Variants in ZNF827 observed in about 807,000 individuals in gnomAD.
ZNF827 encodes the protein zinc finger protein 827.
Under a neutral mutation model 102.4 loss-of-function variants are expected in ZNF827, and 13 were observed. The ratio of observed to expected loss-of-function variants is 0.13; its 90% confidence interval spans 0.08 to 0.20. The LOEUF is 0.20. Ranked by LOEUF, ZNF827 falls within the 10% of genes least tolerant of loss-of-function variation. The probability of loss-of-function intolerance (pLI) is 1.00; values close to 1 mark genes in which losing one functional copy is unlikely to be tolerated. For synonymous variants in ZNF827, 523 were observed against 536.2 expected, an observed-to-expected ratio of 0.98 and a Z score of 0.34; for missense variants, 1,103 against 1,344.4, an observed-to-expected ratio of 0.82 and a Z score of 2.81.
chr4:145,764,969 C>T lies in ZNF827; in HGVS notation c.3230+19G>A, dbSNP rs767371263. 2 of 1,610,594 alleles carry T rather than the reference C, an allele frequency of 1.2e-6. No individual in the cohort carries two copies. The highest frequency in any genetic ancestry group is 2.2e-5 in the East Asian group (1 of 44,836). On this transcript the variant is annotated intron_variant, in intron 13 of 14. Coordinates refer to ENST00000508784, the MANE Select transcript of ZNF827 (RefSeq NM_001306215.2). ...TTTAATAACAACGCAGTAAAAGGTT[C>T]TGTACTTGCTTTCCTTACTTGAGCC...
intron 8 of ZNF827, among the ~76,000 whole-genome samples, chr4:145,821,807 G>A (rs935147265): frequency 6.6e-6 from 1 of 152,108 alleles, no homozygotes; most frequent in Non-Finnish European, 1.5e-5. Flanking sequence ...AAAACCCCCC[G>A]ATGCACAGTT....
chr4:145,814,381 G>T (rs1742357301), intron 8 of ZNF827, among the ~76,000 whole-genome samples: 1 of 152,146 alleles, frequency 6.6e-6, no homozygotes. Context: ...GAGATTGGGG[G>T]AATTAAGTCT....
At chr4:145,895,183 C>T (rs889103849) in intron 2 of ZNF827, among the ~76,000 whole-genome samples, 1 of 152,160 alleles carries the variant, frequency 6.6e-6, no homozygotes, top group Non-Finnish European at 1.5e-5. Flanking sequence ...GATTTCATGG[C>T]ACACCATAGG....
intron 8 of ZNF827, among the ~76,000 whole-genome samples, chr4:145,802,770 T>C (rs558613257): frequency 6.6e-6 from 1 of 152,226 alleles, no homozygotes; most frequent in Non-Finnish European, 1.5e-5. Flanking sequence ...AGAAACTGCA[T>C]CTCTACCAAA....
chr4:145,836,016 T>C (rs1057358725), intron 7 of ZNF827, among the ~76,000 whole-genome samples: 1 of 151,454 alleles, frequency 6.6e-6, no homozygotes, highest in Non-Finnish European at 1.5e-5. Flanking sequence ...TTCTTTACTA[T>C]TCCTTTGCAC....
At chr4:145,886,845 C>T (rs10030732) in intron 3 of ZNF827, among the ~76,000 whole-genome samples, 35,904 of 152,166 alleles carry the variant, frequency 0.24, 4,672 homozygotes, top group Non-Finnish European at 0.29. Flanking sequence ...CAGATTCTGA[C>T]GTCTGCAATG....
chr4:145,931,507 A>G (rs976147991), intron 1 of ZNF827, among the ~76,000 whole-genome samples: 1 of 152,258 alleles, frequency 6.6e-6, no homozygotes, highest in Non-Finnish European at 1.5e-5. Context: ...TGCCTTCGCC[A>G]CAAAGCTCAT....
At position 145,932,226 on chromosome 4, in the gene ZNF827, T is replaced by C. The variant is rs929859676; in HGVS notation, c.43+6139A>G. Among the ~76,000 whole-genome samples the C allele has an allele frequency of 2.0e-5, 3 of 152,234 alleles. No individual in the cohort carries two copies. The East Asian group carries it at 5.8e-4, about 29-fold the overall frequency. ...ATACCCAGTTTAAGATATTTTGTTA[T>C]AGCAGCCAACGGTCTGAGACACCTT... On this transcript the variant is annotated intron_variant, in intron 1 of 14. Transcript: ENST00000508784.
intron 8 of ZNF827, among the ~76,000 whole-genome samples, chr4:145,781,112 C>T (rs765197248): frequency 3.8e-5 from 5 of 132,112 alleles, no homozygotes; most frequent in Non-Finnish European, 7.8e-5. Flanking sequence ...AGAAGAATGG[C>T]GTGAACCCGG....
At chr4:145,893,219 C>T (rs927275040) in intron 2 of ZNF827, among the ~76,000 whole-genome samples, 4 of 152,192 alleles carry the variant, frequency 2.6e-5, no homozygotes, top group African/African-American at 9.7e-5. Context: ...AAGCTAAGGT[C>T]GCTCTCAAAG....
intron 1 of ZNF827, among the ~76,000 whole-genome samples, chr4:145,930,341 C>T (rs1753711337): frequency 6.6e-6 from 1 of 152,316 alleles, no homozygotes; most frequent in African/African-American, 2.4e-5. Flanking sequence ...ACACTCAAAA[C>T]ATTTCACCCT....
Position 145,765,776 on chromosome 4 carries a change from TGAA to T in ZNF827, c.2861-41_2861-39del. On this transcript the variant is annotated intron_variant, in intron 11 of 14. Transcript: ENST00000508784. This position sits in a 1 kb window ranked among gnomAD's most constrained non-coding sequence, Gnocchi z 4.7. The stretch of plus-strand genomic sequence containing the variant: ...CAAATAACCCAGTCTGTTAATGAGA[TGAA>T]AATCCTCAGAATTATAGCAACTGAG... 5 of 1,591,414 alleles carry T rather than the reference TGAA, an allele frequency of 3.1e-6. No homozygotes were observed. The highest frequency in any genetic ancestry group is 4.3e-6 in the Non-Finnish European group (5 of 1,167,194).
intron 5 of ZNF827, among the ~76,000 whole-genome samples, chr4:145,856,271 A>G (rs1397573124): frequency 2.0e-5 from 3 of 152,208 alleles, no homozygotes; most frequent in Non-Finnish European, 2.9e-5. Flanking sequence ...CTGGGATTAC[A>G]GGCATGAGCC....
chr4:145,884,127 C>T (rs1448923161), intron 4 of ZNF827, among the ~76,000 whole-genome samples: 1 of 152,154 alleles, frequency 6.6e-6, no homozygotes, highest in African/African-American at 2.4e-5. Flanking sequence ...CCAATTCCAG[C>T]ATAGGGCCCC....
intron 1 of ZNF827, among the ~76,000 whole-genome samples, chr4:145,926,329 T>G (rs960409856): frequency 2.6e-5 from 4 of 152,238 alleles, no homozygotes; most frequent in African/African-American, 7.2e-5. Flanking sequence ...TCTTAAGTAT[T>G]CCCAATTGCC....
intron 9 of ZNF827, among the ~76,000 whole-genome samples, chr4:145,778,586 T>C (rs980726009): frequency 1.3e-5 from 2 of 152,170 alleles, no homozygotes; most frequent in African/African-American, 4.8e-5. Flanking sequence ...CACTCCAGTC[T>C]GGGTGACAGA....
At chr4:145,932,252 G>T (rs1490788853) in intron 1 of ZNF827, among the ~76,000 whole-genome samples, 1 of 152,176 alleles carries the variant, frequency 6.6e-6, no homozygotes, top group Non-Finnish European at 1.5e-5. Context: ...GAGACACCTT[G>T]TCATCTTTAA....
chr4:145,887,114 T>G (rs1293743481), intron 3 of ZNF827, among the ~76,000 whole-genome samples: 1 of 152,346 alleles, frequency 6.6e-6, no homozygotes, highest in East Asian at 1.9e-4. Flanking sequence ...TAAGTAGAAC[T>G]GCCAATTGTG....
At chr4:145,821,114 C>T (rs1316667606) in intron 8 of ZNF827, among the ~76,000 whole-genome samples, 4 of 152,206 alleles carry the variant, frequency 2.6e-5, no homozygotes, top group Admixed American at 2.6e-4. Flanking sequence ...CCTGAAGCAA[C>T]ACTTCATAGT....
Sources: allele counts gnomAD v4.1 joint callset (sites outside exome capture counted in the v4.1 genomes callset), GRCh38; gene constraint gnomAD v4.1.1; non-coding constraint Gnocchi (gnomAD v3.1); transcripts MANE v1.5; gene names NCBI Gene and HGNC (gene_info 2026-07-23, HGNC 2026-07-21).